DMRT1: variants seen among roughly 807,000 people sequenced by gnomAD.
The protein encoded by DMRT1 is doublesex- and mab-3-related transcription factor 1.
In DMRT1, 7 loss-of-function variants were observed where a neutral mutation model predicts 32.3. The observed-to-expected ratio is 0.22, with a 90% CI of 0.12 to 0.41. The LOEUF (loss-of-function observed/expected upper bound fraction) is 0.41. Ranked by LOEUF, DMRT1 falls within the 10% of genes least tolerant of loss-of-function variation. The probability of loss-of-function intolerance (pLI) is 1.00; values close to 1 mark genes in which losing one functional copy is unlikely to be tolerated. For missense variants in DMRT1, 625 were observed against 500.5 expected, an observed-to-expected ratio of 1.25 and a Z score of -2.37; for synonymous variants, 278 against 206.1, an observed-to-expected ratio of 1.35 and a Z score of -2.99.
At chr9:877,556 G>T (rs1318822557) in intron 2 of DMRT1, among the ~76,000 whole-genome samples, 5 of 152,178 alleles carry the variant, frequency 3.3e-5, no homozygotes, top group Non-Finnish European at 5.9e-5. Context: ...TGAATCCATA[G>T]GGAATCTGCA....
chr9:967,927 A>C, intron 4 of DMRT1, 58 bp from the exon 5 acceptor site: 1 of 1,502,832 alleles, frequency 6.7e-7, no homozygotes, highest in Non-Finnish European at 9.1e-7. Flanking sequence ...AAGACCAGCC[A>C]CTTTTAACAT....
intron 4 of DMRT1, among the ~76,000 whole-genome samples, chr9:946,579 C>G (rs1819253449): frequency 6.6e-6 from 1 of 152,176 alleles, no homozygotes; most frequent in Non-Finnish European, 1.5e-5. Flanking sequence ...CACACTGAAT[C>G]CCAATCAATC....
At chr9:852,664 G>C (rs1308839518) in intron 2 of DMRT1, among the ~76,000 whole-genome samples, 2 of 152,186 alleles carry the variant, frequency 1.3e-5, no homozygotes, top group Non-Finnish European at 2.9e-5. Flanking sequence ...GTAAGGACCT[G>C]AATGTTATCT....
chr9:883,664 C>T (rs1462579458), intron 2 of DMRT1, among the ~76,000 whole-genome samples: 2 of 151,120 alleles, frequency 1.3e-5, no homozygotes, highest in African/African-American at 4.9e-5. Flanking sequence ...TGGTGGCGTG[C>T]CCCTGTAGTC....
intron 2 of DMRT1, among the ~76,000 whole-genome samples, chr9:855,054 A>G (rs1815339809): frequency 6.6e-6 from 1 of 151,804 alleles, no homozygotes; most frequent in Non-Finnish European, 1.5e-5. Context: ...GGGGTGAGCC[A>G]CCATGCCCGG....
intron 4 of DMRT1, among the ~76,000 whole-genome samples, chr9:931,530 GA>G (rs1188375791): frequency 6.6e-6 from 1 of 152,212 alleles, no homozygotes; most frequent in Non-Finnish European, 1.5e-5. Context: ...CCCAACAACA[GA>G]AATTTATTTT....
intron 3 of DMRT1, among the ~76,000 whole-genome samples, chr9:895,749 G>C (rs73374776): frequency 0.041 from 6,169 of 150,590 alleles, 177 homozygotes; most frequent in African/African-American, 0.087. Context: ...ATTAAGTACA[G>C]TCACCATGCT....
At chr9:911,048 G>A (rs557107218) in intron 3 of DMRT1, among the ~76,000 whole-genome samples, 1 of 152,278 alleles carries the variant, frequency 6.6e-6, no homozygotes, top group East Asian at 1.9e-4. Flanking sequence ...TCTTCTAGCT[G>A]GAGGTGAGGG....
At chr9:933,578 A>T (rs909600989) in intron 4 of DMRT1, among the ~76,000 whole-genome samples, 4 of 152,172 alleles carry the variant, frequency 2.6e-5, no homozygotes, top group Non-Finnish European at 5.9e-5. Context: ...TCAAACCAGC[A>T]TTGAACCCTT....
intron 2 of DMRT1, among the ~76,000 whole-genome samples, chr9:852,784 G>A (rs1815213216): frequency 6.6e-6 from 1 of 152,198 alleles, no homozygotes; most frequent in African/African-American, 2.4e-5. Context: ...AGCCTCTTCT[G>A]TGGCTCGTGG....
intron 4 of DMRT1, among the ~76,000 whole-genome samples, chr9:928,665 A>G (rs1818609119): frequency 6.6e-6 from 1 of 152,166 alleles, no homozygotes; most frequent in East Asian, 1.9e-4. Context: ...GTTTTTTACC[A>G]GGGTGGGTCG....
intron 2 of DMRT1, among the ~76,000 whole-genome samples, chr9:891,579 A>C (rs1586575496): frequency 6.7e-6 from 1 of 150,164 alleles, no homozygotes; most frequent in South Asian, 2.1e-4. Context: ...CAGTGGCCCA[A>C]TATCGTCTCA....
At chr9:952,050 G>A (rs1819444627) in intron 4 of DMRT1, among the ~76,000 whole-genome samples, 1 of 152,156 alleles carries the variant, frequency 6.6e-6, no homozygotes, top group South Asian at 2.1e-4. Flanking sequence ...AGGAATTGAG[G>A]CTCAGAGCTG....
intron 1 of DMRT1, among the ~76,000 whole-genome samples, chr9:846,031 C>CT (rs370176937): frequency 0.022 from 2,920 of 132,896 alleles, 39 homozygotes; most frequent in South Asian, 0.035. Flanking sequence ...CTGTTTTTGC[C>CT]TTTTTTTTTT....
chr9:871,144 A>G (rs1256767031), intron 2 of DMRT1, among the ~76,000 whole-genome samples: 1 of 151,488 alleles, frequency 6.6e-6, no homozygotes, highest in Non-Finnish European at 1.5e-5. Context: ...TCAAGCCATC[A>G]TCCTACCTCA....
At position 968,311 on chromosome 9, in the gene DMRT1, G is replaced by C. The variant is rs776906113; in HGVS notation, c.*172G>C. The C allele has an allele frequency of 2.3e-4, 163 of 718,380 alleles. No homozygotes were observed. The highest frequency in any genetic ancestry group is 3.6e-4 in the Non-Finnish European group (156 of 436,588). 44.5% of individuals were successfully genotyped at this position (718,380 alleles called of 1,614,324 possible). On this transcript the variant is annotated 3_prime_UTR_variant, in exon 5 of 5. Coordinates refer to ENST00000382276, the MANE Select transcript of DMRT1 (RefSeq NM_021951.3). ...CTGTAACACATTTGTAATACTTTAG[G>C]GTCCGTGACTACCATCTGCATGGTT...
intron 4 of DMRT1, among the ~76,000 whole-genome samples, chr9:950,206 C>A (rs1297780275): frequency 6.6e-6 from 1 of 152,100 alleles, no homozygotes; most frequent in Non-Finnish European, 1.5e-5. Flanking sequence ...AAACCTGCAA[C>A]TCAGTTGATG....
At chr9:852,598 A>G (rs1815199946) in intron 2 of DMRT1, among the ~76,000 whole-genome samples, 1 of 152,208 alleles carries the variant, frequency 6.6e-6, no homozygotes, top group Non-Finnish European at 1.5e-5. Flanking sequence ...TCTGTGCAGA[A>G]GCTGTCAGAT....
intron 3 of DMRT1, among the ~76,000 whole-genome samples, chr9:902,119 AGGCT>A (rs1817606696): frequency 6.6e-6 from 1 of 151,550 alleles, no homozygotes; most frequent in Non-Finnish European, 1.5e-5. Context: ...CATGTTGGCC[AGGCT>A]GGTCTCAAAC....
Sources: gnomAD v4.1 joint callset for allele counts (sites outside exome capture counted in the v4.1 genomes callset) on GRCh38, gnomAD v4.1.1 for gene constraint, MANE v1.5 for transcripts, NCBI Gene and HGNC (gene_info 2026-07-23, HGNC 2026-07-21) for gene names.